Variants in RETREG3 observed in about 807,000 individuals in gnomAD.
The protein encoded by RETREG3 is reticulophagy regulator 3.
Under a neutral mutation model 50.2 loss-of-function variants are expected in RETREG3, and 23 were observed. That is an observed-to-expected ratio of 0.46 (90% CI 0.33 to 0.65). The LOEUF (loss-of-function observed/expected upper bound fraction) is 0.65, where lower values mean the gene tolerates loss of function less well. RETREG3 is among the 30% of genes least tolerant of loss of function. The pLI is 0.02. For synonymous variants in RETREG3, 240 were observed against 234.4 expected (o/e 1.02, Z -0.22); for missense variants, 546 against 598.0 (o/e 0.91, Z 0.91).
At chr17:42,593,839 C>T (rs1362390149) in intron 1 of RETREG3, among the ~76,000 whole-genome samples, 1 of 152,044 alleles carries the variant, frequency 6.6e-6, no homozygotes, top group Non-Finnish European at 1.5e-5. Flanking sequence ...ATAAATGCTA[C>T]ACTCTGGGTC....
intron 1 of RETREG3, among the ~76,000 whole-genome samples, chr17:42,596,094 T>C (rs116965812): frequency 0.019 from 2,887 of 151,516 alleles, 47 homozygotes; most frequent in Middle Eastern, 0.041. Flanking sequence ...TTCAGCCGGG[T>C]GCAATGGCTT....
intron 1 of RETREG3, among the ~76,000 whole-genome samples, chr17:42,593,647 C>CA (rs10537185): frequency 0.041 from 3,436 of 84,170 alleles, 94 homozygotes; most frequent in African/African-American, 0.081. Flanking sequence ...GACTCCGTCT[C>CA]AAAAAAAAAA....
At chr17:42,586,310 T>C in intron 4 of RETREG3, 173 bp from the exon 5 acceptor site, 1 of 620,888 alleles carries the variant, frequency 1.6e-6, no homozygotes, top group East Asian at 2.9e-5. Flanking sequence ...CATGTCCCCT[T>C]CTATTCAAAC....
intron 1 of RETREG3, among the ~76,000 whole-genome samples, chr17:42,599,978 A>G (rs892038680): frequency 3.3e-5 from 5 of 152,128 alleles, no homozygotes; most frequent in Non-Finnish European, 5.9e-5. Context: ...TGGGTGACAG[A>G]GCGAGACCCT....
At chr17:42,604,707 A>C (rs1173445500) in intron 1 of RETREG3, among the ~76,000 whole-genome samples, 10 of 151,866 alleles carry the variant, frequency 6.6e-5, no homozygotes, top group East Asian at 3.9e-4. Flanking sequence ...AAAAAAAAAA[A>C]AAAAAAAAAA....
At chr17:42,604,826 G>A (rs918563503) in intron 1 of RETREG3, among the ~76,000 whole-genome samples, 1 of 151,524 alleles carries the variant, frequency 6.6e-6, no homozygotes, top group East Asian at 1.9e-4. Context: ...ACCCTCCTCT[G>A]ATCTCAGAGT....
intron 1 of RETREG3, chr17:42,608,815 G>C: frequency 2.2e-6 from 1 of 464,568 alleles, no homozygotes; most frequent in Non-Finnish European, 3.8e-6. Flanking sequence ...GCTCACTCTT[G>C]AGCGGCTCAA....
At position 42,609,233 on chromosome 17, in the gene RETREG3, C is replaced by T. The variant is rs1429450525; in HGVS notation, c.92G>A (p.Arg31Gln). The T allele has an allele frequency of 3.7e-6, 6 of 1,608,312 alleles. No homozygotes were observed. The South Asian group carries it at 6.6e-5, about 18-fold the overall frequency. The change falls in exon 1 of 9, where the codon CGG (arginine) becomes CAG (glutamine). Residue 31 changes from arginine to glutamine, a missense_variant. Physicochemically the swap from Arg to Gln is conservative, Grantham distance 43. Transcript: ENST00000309428. ...GRRDVSGSWE[R>Q]DQQVEAAQRA... ...CTGCGCCGCCTCAACCTGCTGGTCC[C>T]GCTCCCAGGAGCCTGACACATCTCG...
chr17:42,593,456 T>C (rs1597737133), intron 1 of RETREG3, among the ~76,000 whole-genome samples: 1 of 151,888 alleles, frequency 6.6e-6, no homozygotes, highest in African/African-American at 2.4e-5. Flanking sequence ...GAGACCATCC[T>C]GGTTAATATG....
At chr17:42,588,066 C>T (rs1429220944) in intron 2 of RETREG3, among the ~76,000 whole-genome samples, 1 of 152,052 alleles carries the variant, frequency 6.6e-6, no homozygotes, top group Non-Finnish European at 1.5e-5. Flanking sequence ...ACTCATTTTT[C>T]GAGGGGAAGG....
chr17:42,609,264 C>T lies in RETREG3; in HGVS notation c.61G>A (p.Gly21Ser), dbSNP rs762373592. The T allele has an allele frequency of 2.8e-5, 45 of 1,605,792 alleles. 1 individual carries two copies. The Middle Eastern group carries it at 4.9e-4, about 18-fold the overall frequency. Residue 21 changes from glycine (G) to serine (S), a missense_variant, in exon 1 of 9, where the codon GGC becomes AGC. Physicochemically the swap from Gly to Ser is moderately conservative, Grantham distance 56. Coordinates refer to ENST00000309428, the MANE Select transcript of RETREG3 (RefSeq NM_178126.4). ...CAGGAGCCTGACACATCTCGGCGGC[C>T]CCTGAAAGTCGACCCCGAAGCCGGG... ...PGPASGSTFR[G>S]RRDVSGSWER...
chr17:42,585,025 G>T (rs9889580), intron 6 of RETREG3, 100 bp downstream of exon 6: 11 of 1,431,706 alleles, frequency 7.7e-6, no homozygotes, highest in Admixed American at 3.8e-5. Context: ...AACTACCCCC[G>T]ACTTCCACTT....
intron 1 of RETREG3, among the ~76,000 whole-genome samples, chr17:42,601,465 C>T (rs563067276): frequency 1.4e-4 from 21 of 147,306 alleles, no homozygotes; most frequent in Admixed American, 6.2e-4. Context: ...CCCAGCTACT[C>T]GGGAGGCTGA....
intron 1 of RETREG3, among the ~76,000 whole-genome samples, chr17:42,605,869 T>C (rs2093166976): frequency 6.6e-6 from 1 of 151,432 alleles, no homozygotes; most frequent in South Asian, 2.1e-4. Context: ...TGGGTGCCTG[T>C]AATCCCAGCT....
intron 1 of RETREG3, among the ~76,000 whole-genome samples, chr17:42,603,869 C>T (rs1474232911): frequency 2.0e-5 from 3 of 151,810 alleles, no homozygotes; most frequent in Admixed American, 6.6e-5. Flanking sequence ...CCCAGCTACT[C>T]GGGAGGCTGA....
chr17:42,582,022 C>T lies in RETREG3; in HGVS notation c.1192G>A (p.Ala398Thr), dbSNP rs2093110089. ...PVGSNLTSNL[A>T]SLVSQGMIQL... ...ATCATACCCTGGGAGACCAGGCTGG[C>T]AAGGTTGCTGGTGAGGTTGGATCCT... The change falls in exon 9 of 9, where the codon GCC (alanine) becomes ACC (threonine). Residue 398 changes from alanine (A) to threonine (T), a missense_variant. Physicochemically the swap from Ala to Thr is moderately conservative, Grantham distance 58 (BLOSUM62 0). Coordinates refer to ENST00000309428, the MANE Select transcript of RETREG3 (RefSeq NM_178126.4). 1 of 1,613,934 alleles carries T rather than the reference C, an allele frequency of 6.2e-7. No individual in the cohort carries two copies. Among genetic ancestry groups the T allele is most frequent in the Admixed American group, 1.7e-5 (1 of 59,988 alleles).
Position 42,609,312 on chromosome 17 carries a change from C to T in RETREG3, c.13G>A (p.Glu5Lys), listed in dbSNP as rs200120312. Residue 5 changes from glutamate to lysine, a missense_variant, in exon 1 of 9, where the codon GAA becomes AAA. Coordinates refer to ENST00000309428, the MANE Select transcript of RETREG3 (RefSeq NM_178126.4). ...GGGCCTGGGGTCGTGGGAACCCCTT[C>T]GGCCTCAGCCATCTCCCCGCGGCAG... MAEA[E>K]GVPTTPGPAS... 4.0e-5 allele frequency: 64 copies of T among 1,598,774 alleles called. No homozygotes were observed. Among genetic ancestry groups the T allele is most frequent in the Non-Finnish European group, 5.3e-5 (62 of 1,178,564 alleles).
At chr17:42,608,998 G>A in intron 1 of RETREG3, 88 bp downstream of exon 1, 5 of 1,343,392 alleles carry the variant, frequency 3.7e-6, no homozygotes, top group South Asian at 1.3e-5. Flanking sequence ...CCAGTGCAGC[G>A]AAGAAAACAG....
intron 1 of RETREG3, among the ~76,000 whole-genome samples, chr17:42,602,754 C>T (rs753066203): frequency 1.3e-5 from 2 of 152,066 alleles, no homozygotes; most frequent in Non-Finnish European, 2.9e-5. Flanking sequence ...CCAGCCTGGG[C>T]AACATGGTGA....
Sources: allele counts gnomAD v4.1 joint callset (sites outside exome capture counted in the v4.1 genomes callset), GRCh38; gene constraint gnomAD v4.1.1; transcripts MANE v1.5; gene names NCBI Gene and HGNC (gene_info 2026-07-23, HGNC 2026-07-21).